Variants in MRPL3 observed in about 807,000 individuals in gnomAD.
The protein encoded by MRPL3 is large ribosomal subunit protein uL3m.
Under a neutral mutation model 44.3 loss-of-function variants are expected in MRPL3, and 43 were observed. That is an observed-to-expected ratio of 0.97 (90% CI 0.76 to 1.25). The LOEUF (loss-of-function observed/expected upper bound fraction) is 1.25, where lower values mean the gene tolerates loss of function less well. Among genes scored for constraint, MRPL3 ranks in the 50% most tolerant of loss-of-function variants. The probability of loss-of-function intolerance (pLI) is 0.00; values close to 1 mark genes in which losing one functional copy is unlikely to be tolerated. For synonymous variants in MRPL3, 171 were observed against 152.3 expected (o/e 1.12, Z -0.91); for missense variants, 406 against 427.6 (o/e 0.95, Z 0.45).
chr3:131,462,857 G>A lies in MRPL3; in HGVS notation c.913C>T (p.Pro305Ser), dbSNP rs751160066. 39 of 1,610,130 alleles carry A rather than the reference G, an allele frequency of 2.4e-5. No individual in the cohort carries two copies. Among genetic ancestry groups the A allele is most frequent in the Non-Finnish European group, 3.0e-5 (35 of 1,177,724 alleles). The change falls in exon 10 of 10, where the codon CCT becomes TCT. Residue 305 changes from proline (P) to serine (S), a missense_variant. Pro to Ser is a moderately conservative substitution (Grantham distance 74). Transcript: ENST00000264995. ...CLVKVKDSKL[P>S]AYKDLGKNLP... ...TTTTTACCGAGATCCTTATATGCAG[G>A]CAGTTTAGAATCTTTGACCTGAGAG...
At chr3:131,498,869 A>T (rs1934431407) in intron 3 of MRPL3, among the ~76,000 whole-genome samples, 1 of 152,166 alleles carries the variant, frequency 6.6e-6, no homozygotes, top group Non-Finnish European at 1.5e-5. Flanking sequence ...ACCCAAGAGC[A>T]GGAGTTCTCA....
chr3:131,486,282 A>G (rs1934116350), intron 6 of MRPL3, among the ~76,000 whole-genome samples: 1 of 147,774 alleles, frequency 6.8e-6, no homozygotes, highest in Admixed American at 6.9e-5. Flanking sequence ...CAAGGACTTC[A>G]TGACTGAAAC....
chr3:131,498,028 A>G (rs1393532428), intron 4 of MRPL3, 151 bp downstream of exon 4: 2 of 650,510 alleles, frequency 3.1e-6, no homozygotes, highest in African/African-American at 3.7e-5. Flanking sequence ...CCTGGGCAAA[A>G]TGGCTGTGCC....
At chr3:131,483,764 GA>G (rs1171704475) in intron 6 of MRPL3, among the ~76,000 whole-genome samples, 3 of 152,142 alleles carry the variant, frequency 2.0e-5, no homozygotes, top group Admixed American at 1.3e-4. Context: ...GAGGTAGACA[GA>G]TACTTCTCAC....
rs531578565 is a variant in MRPL3 at position 131,502,587 on chromosome 3, T to G, written c.92+143A>C. 3 of 654,462 alleles carry G rather than the reference T, an allele frequency of 4.6e-6. No individual in the cohort carries two copies. In the East Asian group the frequency reaches 9.3e-5, roughly 20 times the overall value. The allele number at this position is 654,462 out of a possible 1,614,324, so 40.5% of individuals were successfully genotyped here. On this transcript the variant is annotated intron_variant, in intron 1 of 9. Coordinates refer to ENST00000264995, the MANE Select transcript of MRPL3 (RefSeq NM_007208.4). Reference sequence around the variant, plus strand: ...TCAATCCCCTTAGAACGTGCTTCCTTAGGTTAACGGCCCTTATTCTTCTGT... The same window carrying G: ...TCAATCCCCTTAGAACGTGCTTCCTGAGGTTAACGGCCCTTATTCTTCTGT...
intron 6 of MRPL3, among the ~76,000 whole-genome samples, chr3:131,477,191 C>T (rs72997213): frequency 0.14 from 21,301 of 152,142 alleles, 1,627 homozygotes; most frequent in Middle Eastern, 0.2. Context: ...ATATACTTGT[C>T]TATGGGGATA....
intron 4 of MRPL3, among the ~76,000 whole-genome samples, chr3:131,491,603 C>T (rs900290295): frequency 1.3e-5 from 2 of 152,204 alleles, no homozygotes; most frequent in African/African-American, 2.4e-5. Context: ...ATAATGCTGC[C>T]GTATAGGTCA....
At position 131,469,221 on chromosome 3, in the gene MRPL3, T is replaced by TAC. The variant is rs554635603; in HGVS notation, c.816+473_816+474dup. ...TGCCTCCCACTCTCCTCCTTACACT[T>TAC]ACACACACACACGCACACACACACA... is the stretch of plus-strand genomic sequence containing the variant. On this transcript the variant is annotated intron_variant, in intron 8 of 9. Coordinates refer to ENST00000264995, the MANE Select transcript of MRPL3 (RefSeq NM_007208.4). 7.2e-4 allele frequency among the ~76,000 whole-genome samples: 108 copies of TAC among 150,496 alleles called. 3 individuals are homozygous for TAC. The South Asian group carries it at 0.022, about 30-fold the overall frequency.
At chr3:131,492,363 A>T (rs1285610963) in intron 4 of MRPL3, among the ~76,000 whole-genome samples, 1 of 152,138 alleles carries the variant, frequency 6.6e-6, no homozygotes, top group Non-Finnish European at 1.5e-5. Context: ...TGTCAGCAGT[A>T]CCCAACCTTT....
intron 6 of MRPL3, among the ~76,000 whole-genome samples, chr3:131,474,298 G>A (rs905245665): frequency 6.6e-6 from 1 of 152,124 alleles, no homozygotes; most frequent in African/African-American, 2.4e-5. Flanking sequence ...GACACAGAAA[G>A]ACAAATAATG....
In MRPL3 at chr3:131,502,944, G is replaced by A. The variant is rs1934533353; in HGVS notation, c.-123C>T. On this transcript the variant is annotated 5_prime_UTR_variant, in exon 1 of 10. Coordinates refer to ENST00000264995, the MANE Select transcript of MRPL3 (RefSeq NM_007208.4). ...TGGGGAAGTTTTCGCAATGGCCGCC[G>A]GAACGGTCGCCGGCCGATGCTCTCT... 2 of 900,422 alleles carry A rather than the reference G, an allele frequency of 2.2e-6. No individual in the cohort carries two copies. Among genetic ancestry groups the A allele is most frequent in the Non-Finnish European group, 3.6e-6 (2 of 562,556 alleles). The allele number at this position is 900,422 out of a possible 1,614,324, so 55.8% of individuals were successfully genotyped here.
In MRPL3 at chr3:131,502,922, G is replaced by A. The variant is rs553761376; in HGVS notation, c.-101C>T. The A allele has an allele frequency of 2.6e-6, 3 of 1,156,504 alleles. No homozygotes were observed. Among genetic ancestry groups the A allele is most frequent in the African/African-American group, 1.5e-5 (1 of 65,484 alleles). 71.6% of individuals were successfully genotyped at this position (1,156,504 alleles called of 1,614,324 possible). A position where few individuals can be genotyped will look rare whatever the true frequency, so the allele number is the denominator to read the frequency against. On this transcript the variant is annotated 5_prime_UTR_variant, in exon 1 of 10. Transcript: ENST00000264995. ...CGCCACGTGGACGCAGTAGCCGTGGGGAAGTTTTCGCAATGGCCGCCGGAA... is the reference window on the plus strand; with the variant it reads ...CGCCACGTGGACGCAGTAGCCGTGGAGAAGTTTTCGCAATGGCCGCCGGAA...
chr3:131,467,066 A>T (rs539705003), intron 9 of MRPL3, among the ~76,000 whole-genome samples: 1 of 152,202 alleles, frequency 6.6e-6, no homozygotes, highest in East Asian at 1.9e-4. Flanking sequence ...TAGATTCTAC[A>T]TAAAAGTGAG....
chr3:131,481,711 T>G (rs1228347446), intron 6 of MRPL3, among the ~76,000 whole-genome samples: 1 of 152,202 alleles, frequency 6.6e-6, no homozygotes, highest in Non-Finnish European at 1.5e-5. Context: ...TGCTCTCCAA[T>G]CATTCATTTT....
Position 131,469,693 on chromosome 3 carries a change from T to C in MRPL3, c.816+3A>G. On this transcript the variant is annotated splice_donor_region_variant and intron_variant, in intron 8 of 9. Transcript: ENST00000264995. The stretch of plus-strand genomic sequence containing the variant: ...CCTAAAAAGAACCACTTGTAACACT[T>C]ACTTTCAGTCCATATTCTGTCCTGT... 1.2e-6 allele frequency: 2 copies of C among 1,605,022 alleles called. No homozygotes were observed. The highest frequency in any genetic ancestry group is 1.7e-6 in the Non-Finnish European group (2 of 1,174,460).
At chr3:131,479,638 G>A (rs1209713821) in intron 6 of MRPL3, among the ~76,000 whole-genome samples, 1 of 152,168 alleles carries the variant, frequency 6.6e-6, no homozygotes, top group Non-Finnish European at 1.5e-5. Flanking sequence ...GAGGTCAGGA[G>A]ATCCAGACCA....
chr3:131,488,263 A>G (rs1457294093), intron 5 of MRPL3, among the ~76,000 whole-genome samples: 1 of 152,154 alleles, frequency 6.6e-6, no homozygotes, highest in Admixed American at 6.5e-5. Flanking sequence ...CCAATAAACT[A>G]TAGTTCTCCA....
intron 1 of MRPL3, chr3:131,501,971 A>T (rs1269751566): frequency 6.9e-7 from 1 of 1,452,938 alleles, no homozygotes; most frequent in Non-Finnish European, 9.3e-7. Flanking sequence ...CATATTCCCC[A>T]AAAAACAGTC....
intron 6 of MRPL3, among the ~76,000 whole-genome samples, chr3:131,483,697 G>C (rs1242077532): frequency 6.6e-6 from 1 of 152,120 alleles, no homozygotes; most frequent in Admixed American, 6.5e-5. Flanking sequence ...TCAAGAAGCT[G>C]TTACTGTTGG....
Sources: allele counts gnomAD v4.1 joint callset (sites outside exome capture counted in the v4.1 genomes callset), GRCh38; gene constraint gnomAD v4.1.1; transcripts MANE v1.5; gene names NCBI Gene and HGNC (gene_info 2026-07-23, HGNC 2026-07-21).